Variants in GPC6 observed in about 807,000 individuals in gnomAD.
GPC6 encodes glypican 6.
GPC6 carries 14 observed loss-of-function variants against 55.2 expected under a neutral mutation model. The observed-to-expected ratio is 0.25, with a 90% CI of 0.17 to 0.40. The LOEUF (loss-of-function observed/expected upper bound fraction) is 0.40, where lower values mean the gene tolerates loss of function less well. Ranked by LOEUF, GPC6 falls within the 10% of genes least tolerant of loss-of-function variation. The pLI is 1.00. For synonymous variants in GPC6, 278 were observed against 259.6 expected (o/e 1.07, Z -0.68); for missense variants, 641 against 708.5 (o/e 0.90, Z 1.08).
At chr13:93,441,292 C>G (rs1210584756) in intron 1 of GPC6, among the ~76,000 whole-genome samples, 2 of 152,168 alleles carry the variant, frequency 1.3e-5, no homozygotes, top group African/African-American at 4.8e-5. Context: ...AATGGTTGAA[C>G]TAGTTTACAG....
intron 2 of GPC6, among the ~76,000 whole-genome samples, chr13:93,747,620 T>G (rs1485149927): frequency 1.3e-5 from 2 of 152,194 alleles, no homozygotes; most frequent in African/African-American, 4.8e-5. Context: ...GTTTTTCACT[T>G]TTAGGGCAGT....
chr13:93,625,092 G>C (rs1879147199), intron 2 of GPC6, among the ~76,000 whole-genome samples: 1 of 152,100 alleles, frequency 6.6e-6, no homozygotes, highest in Non-Finnish European at 1.5e-5. Context: ...AAACACATTG[G>C]TTGGAAATTG....
At chr13:93,620,731 C>G (rs1161000765) in intron 2 of GPC6, among the ~76,000 whole-genome samples, 1 of 152,104 alleles carries the variant, frequency 6.6e-6, no homozygotes, top group Non-Finnish European at 1.5e-5. Flanking sequence ...ATTGATTGCA[C>G]AAAGCAGAAT....
intron 3 of GPC6, among the ~76,000 whole-genome samples, chr13:94,020,967 A>T (rs1882670579): frequency 1.3e-5 from 2 of 152,164 alleles, no homozygotes; most frequent in South Asian, 4.1e-4. Context: ...ATCTGGTGAT[A>T]TAAGATTATG....
intron 3 of GPC6, among the ~76,000 whole-genome samples, chr13:93,994,851 A>G (rs935332758): frequency 6.6e-6 from 1 of 152,218 alleles, no homozygotes; most frequent in African/African-American, 2.4e-5. Context: ...AACTTTTATC[A>G]AACATATACC....
chr13:93,985,017 G>C (rs528212509), intron 3 of GPC6, among the ~76,000 whole-genome samples: 1 of 152,162 alleles, frequency 6.6e-6, no homozygotes, highest in Non-Finnish European at 1.5e-5. Flanking sequence ...GGCTGATGTG[G>C]TAGCTCTGTA....
chr13:93,389,690 C>T (rs1594136624), intron 1 of GPC6, among the ~76,000 whole-genome samples: 1 of 151,260 alleles, frequency 6.6e-6, no homozygotes, highest in Non-Finnish European at 1.5e-5. Flanking sequence ...TACACAAACA[C>T]ACAGGTAGTT....
At chr13:93,521,089 A>T (rs985951261) in intron 1 of GPC6, among the ~76,000 whole-genome samples, 1 of 151,996 alleles carries the variant, frequency 6.6e-6, no homozygotes, top group Non-Finnish European at 1.5e-5. Context: ...TTTCATTAGT[A>T]CTTGAAATTT....
intron 3 of GPC6, among the ~76,000 whole-genome samples, chr13:93,878,276 T>C (rs1163836239): frequency 1.3e-5 from 2 of 151,814 alleles, no homozygotes; most frequent in Admixed American, 6.6e-5. Context: ...GCCATGAGGG[T>C]TCCACCCTCA....
intron 1 of GPC6, among the ~76,000 whole-genome samples, chr13:93,476,511 T>G (rs759970645): frequency 2.6e-5 from 4 of 152,186 alleles, no homozygotes; most frequent in Non-Finnish European, 5.9e-5. Context: ...AGTTCATCAG[T>G]AAACACTATT....
intron 1 of GPC6, among the ~76,000 whole-genome samples, chr13:93,531,795 A>T (rs1209954891): frequency 6.6e-6 from 1 of 152,202 alleles, no homozygotes; most frequent in Non-Finnish European, 1.5e-5. Context: ...GTAAAAATTT[A>T]TTTCATACAT....
chr13:94,405,140 CA>C lies in GPC6; in HGVS notation c.*1925del, dbSNP rs1292237987. ...TATTAAGTATATTTGAGCACTTTTG[CA>C]AGACAGAAAGTATTTACAAGCATCT... On this transcript the variant is annotated 3_prime_UTR_variant, in exon 9 of 9. Coordinates refer to ENST00000377047, the MANE Select transcript of GPC6 (RefSeq NM_005708.5). The C allele has an allele frequency of 6.6e-6, 1 of 152,154 alleles. No individual in the cohort carries two copies. 9.4% of individuals were successfully genotyped at this position (152,154 alleles called of 1,614,324 possible). A position where few individuals can be genotyped will look rare whatever the true frequency, so the allele number is the denominator to read the frequency against.
At chr13:93,580,983 C>T (rs1224777376) in intron 2 of GPC6, among the ~76,000 whole-genome samples, 1 of 152,038 alleles carries the variant, frequency 6.6e-6, no homozygotes, top group East Asian at 1.9e-4. Context: ...AAGGATTTGT[C>T]ACATTAAAAG....
chr13:93,576,951 C>G (rs1391871736), intron 2 of GPC6, among the ~76,000 whole-genome samples: 2 of 152,246 alleles, frequency 1.3e-5, no homozygotes, highest in South Asian at 2.1e-4. Flanking sequence ...TACAAATGCA[C>G]TTTAACTCCG....
intron 2 of GPC6, among the ~76,000 whole-genome samples, chr13:93,759,744 A>G (rs1306505301): frequency 6.6e-6 from 1 of 152,134 alleles, no homozygotes. Context: ...TTAATTTCCA[A>G]TAATCAGTGA....
At chr13:93,592,760 G>T (rs1474196798) in intron 2 of GPC6, among the ~76,000 whole-genome samples, 1 of 151,942 alleles carries the variant, frequency 6.6e-6, no homozygotes, top group Admixed American at 6.6e-5. Flanking sequence ...TTTAGTAATT[G>T]TTATAAGGAA....
At chr13:93,283,523 G>A (rs545888909) in intron 1 of GPC6, among the ~76,000 whole-genome samples, 1 of 152,162 alleles carries the variant, frequency 6.6e-6, no homozygotes, top group East Asian at 1.9e-4. Context: ...TATGACAAAT[G>A]GTCTCACCCA....
At chr13:94,206,656 C>A (rs571907367) in intron 4 of GPC6, among the ~76,000 whole-genome samples, 6 of 151,922 alleles carry the variant, frequency 3.9e-5, no homozygotes, top group South Asian at 4.2e-4. Context: ...GAGTTTGAGA[C>A]CAGCCTGGGC....
chr13:93,278,770 A>G (rs1444612978), intron 1 of GPC6, among the ~76,000 whole-genome samples: 2 of 152,224 alleles, frequency 1.3e-5, no homozygotes, highest in African/African-American at 4.8e-5. Flanking sequence ...GAGTGAACAC[A>G]TCTAGGGCTA....
Sources: allele counts gnomAD v4.1 joint callset (sites outside exome capture counted in the v4.1 genomes callset), GRCh38; gene constraint gnomAD v4.1.1; transcripts MANE v1.5; gene names NCBI Gene and HGNC (gene_info 2026-07-23, HGNC 2026-07-21).